Variants in IPCEF1 observed in about 807,000 individuals in gnomAD.
IPCEF1 encodes the protein interaction protein for cytohesin exchange factors 1, also known as interactor protein for cytohesin exchange factors 1.
A neutral mutation model predicts 50.9 loss-of-function variants in IPCEF1; 31 were observed. The ratio of observed to expected loss-of-function variants is 0.61; its 90% CI spans 0.46 to 0.82. IPCEF1 has a LOEUF of 0.82. IPCEF1 is among the 40% of genes least tolerant of loss of function. IPCEF1 has a pLI of 0.00. For missense variants in IPCEF1, 458 were observed against 514.0 expected (o/e 0.89, Z 1.05); for synonymous variants, 181 against 192.0 (o/e 0.94, Z 0.47).
At chr6:154,228,943 T>C (rs868120661) in intron 5 of IPCEF1, among the ~76,000 whole-genome samples, 4 of 152,150 alleles carry the variant, frequency 2.6e-5, no homozygotes, top group Admixed American at 6.5e-5. Flanking sequence ...GCAAGGCAGG[T>C]TGCCTCCTGC....
intron 1 of IPCEF1, among the ~76,000 whole-genome samples, chr6:154,331,414 A>AGAGAG (rs763161431): frequency 8.5e-6 from 1 of 117,034 alleles, no homozygotes; most frequent in African/African-American, 3.1e-5. Flanking sequence ...AAAGAGAGAG[A>AGAGAG]AAAAGAAAGA....
chr6:154,271,142 T>C (rs1781892036), intron 2 of IPCEF1, among the ~76,000 whole-genome samples: 2 of 151,928 alleles, frequency 1.3e-5, no homozygotes, highest in South Asian at 4.1e-4. Context: ...GAGGATCACT[T>C]GAGGTCAGGA....
intron 3 of IPCEF1, among the ~76,000 whole-genome samples, chr6:154,255,686 T>C (rs1331303831): frequency 6.6e-6 from 1 of 152,196 alleles, no homozygotes; most frequent in Non-Finnish European, 1.5e-5. Flanking sequence ...GATTTTTCTT[T>C]CATATCTTAG....
At chr6:154,332,988 C>T (rs1279714883) in intron 1 of IPCEF1, among the ~76,000 whole-genome samples, 2 of 152,184 alleles carry the variant, frequency 1.3e-5, no homozygotes, top group African/African-American at 4.8e-5. Flanking sequence ...AACGGAAAAC[C>T]CAGCATTTTT....
At chr6:154,181,359 A>G (rs556938329) in intron 10 of IPCEF1, among the ~76,000 whole-genome samples, 37 of 152,242 alleles carry the variant, frequency 2.4e-4, no homozygotes, top group African/African-American at 8.4e-4. Flanking sequence ...GACCAACGTT[A>G]TTTCATTATC....
chr6:154,274,908 GGTTGTCTTAA>G (rs1196990727), intron 2 of IPCEF1, among the ~76,000 whole-genome samples: 1 of 152,142 alleles, frequency 6.6e-6, no homozygotes, highest in Non-Finnish European at 1.5e-5. Context: ...TTTGTTCTGC[GGTTGTCTTAA>G]GTTCCATGAC....
chr6:154,355,686 A>G (rs1784204922), intron 1 of IPCEF1, among the ~76,000 whole-genome samples: 1 of 151,958 alleles, frequency 6.6e-6, no homozygotes. Context: ...ACGGGGTTTC[A>G]TCATGTTGGC....
intron 5 of IPCEF1, among the ~76,000 whole-genome samples, chr6:154,232,509 C>G (rs1289923079): frequency 6.6e-6 from 1 of 152,182 alleles, no homozygotes; most frequent in Non-Finnish European, 1.5e-5. Context: ...CCATGGGAAC[C>G]ATCATGTGGT....
intron 10 of IPCEF1, among the ~76,000 whole-genome samples, chr6:154,196,115 T>C (rs1327953514): frequency 6.6e-6 from 1 of 152,170 alleles, no homozygotes; most frequent in Non-Finnish European, 1.5e-5. Context: ...TTATTCACTT[T>C]AGCACAAAGT....
chr6:154,320,854 A>G (rs1783355244), intron 1 of IPCEF1, among the ~76,000 whole-genome samples: 1 of 152,168 alleles, frequency 6.6e-6, no homozygotes, highest in Non-Finnish European at 1.5e-5. Context: ...AAAATTGTGT[A>G]TATAATTTTA....
intron 3 of IPCEF1, among the ~76,000 whole-genome samples, chr6:154,260,265 T>C (rs1190178564): frequency 6.6e-6 from 1 of 152,198 alleles, no homozygotes; most frequent in African/African-American, 2.4e-5. Context: ...CGTTTCCTTG[T>C]CAGCAAGAAA....
intron 11 of IPCEF1, among the ~76,000 whole-genome samples, chr6:154,161,607 T>C (rs911182635): frequency 6.6e-6 from 1 of 152,198 alleles, no homozygotes; most frequent in Admixed American, 6.5e-5. Flanking sequence ...GATAAGCTTT[T>C]AAGTTTTTAT....
chr6:154,223,944 T>C (rs539837255), intron 5 of IPCEF1, among the ~76,000 whole-genome samples: 1 of 152,318 alleles, frequency 6.6e-6, no homozygotes, highest in South Asian at 2.1e-4. Context: ...TAAATGTCAC[T>C]TTACATCACC....
At chr6:154,171,878 A>G (rs1799898768) in intron 10 of IPCEF1, among the ~76,000 whole-genome samples, 1 of 152,214 alleles carries the variant, frequency 6.6e-6, no homozygotes, top group Admixed American at 6.5e-5. Context: ...TACAGCTAAC[A>G]AGGTAGAATT....
At chr6:154,328,987 A>C (rs958706841) in intron 1 of IPCEF1, among the ~76,000 whole-genome samples, 1 of 152,268 alleles carries the variant, frequency 6.6e-6, no homozygotes, top group African/African-American at 2.4e-5. Context: ...CCAAGAAAAA[A>C]ATTTATATCT....
intron 9 of IPCEF1, among the ~76,000 whole-genome samples, chr6:154,201,521 G>A (rs889127872): frequency 6.6e-6 from 1 of 152,122 alleles, no homozygotes; most frequent in African/African-American, 2.4e-5. Flanking sequence ...TCCAACAGCA[G>A]ACAAGGTAGA....
chr6:154,341,788 T>C (rs1783923697), intron 1 of IPCEF1, among the ~76,000 whole-genome samples: 2 of 152,214 alleles, frequency 1.3e-5, no homozygotes, highest in Admixed American at 1.3e-4. Context: ...TGTGGATGTG[T>C]TTTATCATTA....
chr6:154,305,949 T>C (rs758810983), intron 1 of IPCEF1, among the ~76,000 whole-genome samples: 3 of 152,208 alleles, frequency 2.0e-5, no homozygotes, highest in Admixed American at 1.3e-4. Flanking sequence ...TTCTCTACTT[T>C]TGAGGTTTTG....
chr6:154,266,624 G>T (rs545237261), intron 2 of IPCEF1, among the ~76,000 whole-genome samples: 3 of 148,240 alleles, frequency 2.0e-5, no homozygotes, highest in Non-Finnish European at 4.5e-5. Context: ...AAGTGGAAAT[G>T]TTTTCCTCTT....
Sources: allele counts gnomAD v4.1 joint callset (sites outside exome capture counted in the v4.1 genomes callset), GRCh38; gene constraint gnomAD v4.1.1; transcripts MANE v1.5; gene names NCBI Gene and HGNC (gene_info 2026-07-23, HGNC 2026-07-21).